ZNF469: variants seen among roughly 807,000 people sequenced by gnomAD.
ZNF469 encodes the protein zinc finger protein 469.
In ZNF469, 1 loss-of-function variant was observed where a neutral mutation model predicts 1.0. That is an observed-to-expected ratio of 1.00 (90% CI 0.35 to 4.73). ZNF469 has a LOEUF of 4.73. ZNF469 is among the 30% of genes most tolerant of loss of function. The probability of loss-of-function intolerance (pLI) is 0.16; values close to 1 mark genes in which losing one functional copy is unlikely to be tolerated. For synonymous variants in ZNF469, 2,703 were observed against 2,363.4 expected, an observed-to-expected ratio of 1.14 and a Z score of -4.17; for missense variants, 6,100 against 5,356.3, an observed-to-expected ratio of 1.14 and a Z score of -4.33.
the ZNF469 span, among the ~76,000 whole-genome samples, chr16:88,138,498 T>C: frequency 6.6e-6 from 1 of 152,234 alleles, no homozygotes; most frequent in Non-Finnish European, 1.5e-5. Context: ...ATAAGCCTGA[T>C]TGAATAGTAG....
the ZNF469 span, among the ~76,000 whole-genome samples, chr16:88,365,620 C>T: frequency 2.0e-5 from 3 of 152,210 alleles, no homozygotes; most frequent in East Asian, 1.9e-4. Context: ...CAAGCACTGC[C>T]TTTTCTCAGC....
the ZNF469 span, among the ~76,000 whole-genome samples, chr16:88,267,503 A>G: frequency 6.6e-6 from 1 of 152,236 alleles, no homozygotes; most frequent in Non-Finnish European, 1.5e-5. Flanking sequence ...CACCACGGAC[A>G]CAGAGCAGCA....
the ZNF469 span, among the ~76,000 whole-genome samples, chr16:88,240,591 G>T: frequency 6.6e-6 from 1 of 152,142 alleles, no homozygotes; most frequent in Non-Finnish European, 1.5e-5. Flanking sequence ...GAGAGCGAGA[G>T]AAGCGTCTCT....
In ZNF469 at chr16:88,432,901, G is replaced by A. The variant is rs1597210468; in HGVS notation, c.5431G>A (p.Gly1811Ser). ...TCTGGCCCCTGACTTGGCATTTCAG[G>A]GTGACGGGGCTCCACCTCTGGATGC... The part of the protein sequence containing the change: ...VHLAPDLAFQ[G>S]DGAPPLDATW... Residue 1811 changes from glycine (G) to serine (S), a missense_variant, in exon 3 of 3, where the codon GGT becomes AGT. Physicochemically the swap from Gly to Ser is moderately conservative, Grantham distance 56. Transcript: ENST00000565624. 1.9e-6 allele frequency: 3 copies of A among 1,550,392 alleles called. No individual in the cohort carries two copies. The highest frequency in any genetic ancestry group is 2.4e-5 in the South Asian group (2 of 84,054).
At chr16:88,365,474 C>G in the ZNF469 span, among the ~76,000 whole-genome samples, 4 of 152,218 alleles carry the variant, frequency 2.6e-5, no homozygotes, top group East Asian at 3.8e-4. Flanking sequence ...TGCTGCTGGA[C>G]CAGGAGGTGG....
chr16:88,261,615 C>A, the ZNF469 span, among the ~76,000 whole-genome samples: 58 of 152,236 alleles, frequency 3.8e-4, no homozygotes, highest in East Asian at 0.011. The surrounding 1 kb of genome is among the most constrained non-coding windows in gnomAD (Gnocchi z 6.0). Context: ...GGATTGAGAA[C>A]CTGGAGAAGT....
chr16:88,387,194 C>T (rs1904359278), intron 1 of ZNF469, among the ~76,000 whole-genome samples: 1 of 152,224 alleles, frequency 6.6e-6, no homozygotes, highest in African/African-American at 2.4e-5. Context: ...GAGGACCTTC[C>T]ATTGCAACCC....
At chr16:88,119,735 T>C in the ZNF469 span, among the ~76,000 whole-genome samples, 2 of 152,206 alleles carry the variant, frequency 1.3e-5, no homozygotes, top group Non-Finnish European at 2.9e-5. Flanking sequence ...CTGCCTCTCC[T>C]GGTTCTCCGC....
chr16:88,380,918 A>T (rs2092521184), upstream of ZNF469, among the ~76,000 whole-genome samples: 1 of 102,268 alleles, frequency 9.8e-6, no homozygotes, highest in Non-Finnish European at 1.7e-5. Flanking sequence ...ACAGACATGC[A>T]CTCACACAGA....
chr16:88,433,485 C>T lies in ZNF469; in HGVS notation c.6015C>T (p.Asn2005=), dbSNP rs914056509. 15 of 1,550,268 alleles carry T rather than the reference C, an allele frequency of 9.7e-6. No individual in the cohort carries two copies. Among genetic ancestry groups the T allele is most frequent in the African/African-American group, 6.8e-5 (5 of 73,056 alleles). ...QGTANQLQPE[N]GVSPGGTDNH... ...CAGCCAACCAGCTTCAGCCAGAGAA[C>T]GGGGTGAGCCCAGGGGGCACGGACA... Residue 2005 remains asparagine, a synonymous_variant, in exon 3 of 3, where the codon AAC becomes AAT. Transcript: ENST00000565624.
the ZNF469 span, among the ~76,000 whole-genome samples, chr16:88,108,574 T>C: frequency 6.6e-6 from 1 of 152,118 alleles, no homozygotes; most frequent in African/African-American, 2.4e-5. Context: ...TGTCCTAGGA[T>C]CTTCTCCCCA....
the ZNF469 span, among the ~76,000 whole-genome samples, chr16:88,208,775 G>GCACACACACACACACACA: frequency 2.1e-5 from 1 of 47,404 alleles, no homozygotes; most frequent in Non-Finnish European, 4.4e-5. Context: ...ATGCGCGTGC[G>GCACACACACACACACACA]CGCGCACACA....
the ZNF469 span, among the ~76,000 whole-genome samples, chr16:88,264,206 T>G: frequency 5.3e-5 from 8 of 152,032 alleles, no homozygotes; most frequent in Non-Finnish European, 7.4e-5. Context: ...CCCCTTTGCT[T>G]CCAGGAGGAG....
At chr16:88,367,258 C>G in the ZNF469 span, among the ~76,000 whole-genome samples, 1 of 152,074 alleles carries the variant, frequency 6.6e-6, no homozygotes, top group African/African-American at 2.4e-5. Flanking sequence ...TTGGTCCCCA[C>G]GCTCTCATCT....
the ZNF469 span, among the ~76,000 whole-genome samples, chr16:88,183,494 G>A: frequency 2.0e-5 from 3 of 152,310 alleles, no homozygotes; most frequent in East Asian, 3.9e-4. Flanking sequence ...CGGGTCCCGC[G>A]AAGCCTGCTG....
chr16:88,174,488 A>ATCTG, the ZNF469 span, among the ~76,000 whole-genome samples: 1 of 120,484 alleles, frequency 8.3e-6, no homozygotes, highest in Admixed American at 8.5e-5. Flanking sequence ...CTATCTATCT[A>ATCTG]TCTATCTATC....
At chr16:88,398,493 T>C (rs1034912611) in intron 1 of ZNF469, among the ~76,000 whole-genome samples, 1 of 149,912 alleles carries the variant, frequency 6.7e-6, no homozygotes. Context: ...AAGGGGGGCA[T>C]GTGAGCCATG....
At chr16:88,334,058 CTGTG>C in the ZNF469 span, among the ~76,000 whole-genome samples, 1 of 148,316 alleles carries the variant, frequency 6.7e-6, no homozygotes, top group East Asian at 2.0e-4. Flanking sequence ...GTGTCTGTGT[CTGTG>C]TGTGTCTGTG....
At chr16:88,219,224 C>T in the ZNF469 span, among the ~76,000 whole-genome samples, 1 of 150,256 alleles carries the variant, frequency 6.7e-6, no homozygotes, top group African/African-American at 2.5e-5. Flanking sequence ...ATGCCATCCC[C>T]ATCAAGCTAC....
Sources: gnomAD v4.1 joint callset for allele counts (sites outside exome capture counted in the v4.1 genomes callset) on GRCh38, gnomAD v4.1.1 for gene constraint, Gnocchi (gnomAD v3.1) non-coding constraint, MANE v1.5 for transcripts, NCBI Gene and HGNC (gene_info 2026-07-23, HGNC 2026-07-21) for gene names.